The following SELENOO variants were observed in gnomAD, a reference collection of about 807,000 sequenced individuals.
SELENOO encodes the protein protein adenylyltransferase SelO, mitochondrial.
Under a neutral mutation model 58.7 loss-of-function variants are expected in SELENOO, and 74 were observed. The ratio of observed to expected loss-of-function variants is 1.26; its 90% CI spans 1.04 to 1.53. The LOEUF is 1.53. Ranked by LOEUF, SELENOO falls within the 40% of genes most tolerant of loss-of-function variation. The pLI is 0.00. For synonymous variants in SELENOO, 543 were observed against 453.2 expected (o/e 1.20, Z -2.52); for missense variants, 1,149 against 970.0 (o/e 1.18, Z -2.45).
intron 3 of SELENOO, 35 bp downstream of exon 3, chr22:50,208,751 G>A (rs2064349173): frequency 6.3e-7 from 1 of 1,591,330 alleles, no homozygotes. Context: ...CCCTGCGGGT[G>A]GATGCTGGGT....
chr22:50,206,310 G>A lies in SELENOO; in HGVS notation c.555-7G>A, dbSNP rs1195090563. 3 of 1,613,078 alleles carry A rather than the reference G, an allele frequency of 1.9e-6. No homozygotes were observed. Among genetic ancestry groups the A allele is most frequent in the African/African-American group, 2.7e-5 (2 of 74,890 alleles). On this transcript the variant is annotated splice_region_variant and splice_polypyrimidine_tract_variant and intron_variant, in intron 1 of 8. Coordinates refer to ENST00000380903, the MANE Select transcript of SELENOO (RefSeq NM_031454.2). ...GCCCACGTAGTGAACTCTGTGTTTG[G>A]TTTCAGACAGGCCGACGGTCGCAAG...
rs1362834633 is a variant in SELENOO, at chr22:50,206,433, C to T, written c.671C>T (p.Ser224Phe). 3 of 1,614,214 alleles carry T rather than the reference C, an allele frequency of 1.9e-6. No individual in the cohort carries two copies. The highest frequency in any genetic ancestry group is 1.7e-5 in the Admixed American group (1 of 60,020). Residue 224 changes from serine (S) to phenylalanine (F), a missense_variant, in exon 2 of 9, where the codon TCC becomes TTC. Physicochemically the swap from Ser to Phe is radical, Grantham distance 155 (BLOSUM62 -2). Coordinates refer to ENST00000380903, the MANE Select transcript of SELENOO (RefSeq NM_031454.2). The stretch of plus-strand genomic sequence containing the variant: ...GCCGGCGCCTGCGTCACGTCCGAGT[C>T]CACGGTGGTGCGCGACGTGTTCTAT... ...TRAGACVTSE[S>F]TVVRDVFYDG...
At chr22:50,207,060 A>G (rs1017045126) in intron 2 of SELENOO, among the ~76,000 whole-genome samples, 1 of 152,168 alleles carries the variant, frequency 6.6e-6, no homozygotes, top group Non-Finnish European at 1.5e-5. Context: ...CTGATGGTCC[A>G]GTTGCTCGTT....
In SELENOO at chr22:50,216,684, TC is replaced by T; in HGVS notation, c.1503-5del. The T allele has an allele frequency of 1.3e-6, 2 of 1,579,598 alleles. No homozygotes were observed. Among genetic ancestry groups the T allele is most frequent in the Admixed American group, 1.8e-5 (1 of 55,818 alleles). Reference sequence around the variant, plus strand: ...GCTACCTCCCAGACACCCTGGCCTCTCCACAGGCAGCTATCCATGATGCTGA... The same window carrying T: ...GCTACCTCCCAGACACCCTGGCCTCTCACAGGCAGCTATCCATGATGCTGA... On this transcript the variant is annotated splice_polypyrimidine_tract_variant and splice_region_variant and intron_variant, in intron 6 of 8. Coordinates refer to ENST00000380903, the MANE Select transcript of SELENOO (RefSeq NM_031454.2).
intron 5 of SELENOO, among the ~76,000 whole-genome samples, chr22:50,215,193 T>C (rs533998161): frequency 1.3e-5 from 2 of 152,312 alleles, no homozygotes; most frequent in South Asian, 4.1e-4. Context: ...GCAGGCGGGT[T>C]ACAGCAGCTT....
intron 1 of SELENOO, among the ~76,000 whole-genome samples, chr22:50,204,360 C>T (rs543768062): frequency 6.6e-6 from 1 of 152,292 alleles, no homozygotes; most frequent in South Asian, 2.1e-4. Flanking sequence ...GGCACAGTGG[C>T]TCACGCCTGT....
At chr22:50,216,654 C>T (rs2064414784) in intron 6 of SELENOO, 37 bp from the exon 7 acceptor site, 2 of 1,539,492 alleles carry the variant, frequency 1.3e-6, no homozygotes, top group Non-Finnish European at 8.7e-7. Flanking sequence ...GGGACACGGT[C>T]AGGGGCTACC....
At chr22:50,202,755 T>C (rs1180950905) in intron 1 of SELENOO, among the ~76,000 whole-genome samples, 1 of 152,198 alleles carries the variant, frequency 6.6e-6, no homozygotes, top group Non-Finnish European at 1.5e-5. Context: ...TGCTAGAATA[T>C]ATTTTCTCCT....
In SELENOO at chr22:50,210,852, T is replaced by TGGAGCTGGAGGAAGACGG. The variant is rs748819982; in HGVS notation, c.1295_1312dup (p.Glu432_Gly437dup). 6.2e-7 allele frequency: 1 copy of TGGAGCTGGAGGAAGACGG among 1,614,076 alleles called. No homozygotes were observed. Among genetic ancestry groups the TGGAGCTGGAGGAAGACGG allele is most frequent in the Admixed American group, 1.7e-5 (1 of 60,034 alleles). Reference sequence around the variant, plus strand: ...CGCAGGAAGCTGGGCCTCGTGCAGGTGGAGCTGGAGGAAGACGGGGCGCTG... The same window carrying TGGAGCTGGAGGAAGACGG: ...CGCAGGAAGCTGGGCCTCGTGCAGGTGGAGCTGGAGGAAGACGGGGAGCTGGAGGAAGACGGGGCGCTG... On this transcript the variant is annotated inframe_insertion, in exon 5 of 9. Coordinates refer to ENST00000380903, the MANE Select transcript of SELENOO (RefSeq NM_031454.2).
At chr22:50,216,602 T>A (rs560341400) in intron 6 of SELENOO, 89 bp from the exon 7 acceptor site, 37 of 1,271,308 alleles carry the variant, frequency 2.9e-5, no homozygotes, top group Non-Finnish European at 3.1e-5. Flanking sequence ...AGGTGAGCCG[T>A]GAGAGCGGGC....
In SELENOO at chr22:50,208,568, A is replaced by G; in HGVS notation, c.791A>G (p.Asp264Gly). ...FGSFEIFKSADEHTGRAGPSV... is the reference protein window; with the variant it reads ...FGSFEIFKSAGEHTGRAGPSV... ...TCCTTTGAGATTTTTAAGTCTGCAG[A>G]TGAGCACACAGGGCGTGCAGGCCCC... The change falls in exon 3 of 9, where the codon GAT becomes GGT. Residue 264 changes from aspartate to glycine, a missense_variant. By Grantham distance (94) the Asp-to-Gly change is moderately conservative (BLOSUM62 -1). Coordinates refer to ENST00000380903, the MANE Select transcript of SELENOO (RefSeq NM_031454.2). 2 of 1,613,776 alleles carry G rather than the reference A, an allele frequency of 1.2e-6. No homozygotes were observed. Among genetic ancestry groups the G allele is most frequent in the African/African-American group, 1.3e-5 (1 of 75,008 alleles).
chr22:50,217,053 C>CA lies in SELENOO; in HGVS notation c.1772dup (p.Asn591LysfsTer65). 6.2e-7 allele frequency: 1 copy of CA among 1,612,698 alleles called. No individual in the cohort carries two copies. ...AGCACGTGCGCGTGATGCACGCCAA[C>CA]AACCCGAAGTACGTGCTGAGGAACT... On this transcript the variant is annotated frameshift_variant, in exon 8 of 9. Coordinates refer to ENST00000380903, the MANE Select transcript of SELENOO (RefSeq NM_031454.2). LOFTEE classifies it high-confidence loss of function.
intron 4 of SELENOO, 118 bp from the exon 5 acceptor site, chr22:50,210,513 G>A: frequency 6.7e-7 from 1 of 1,482,154 alleles, no homozygotes. Context: ...CTGTGGGACA[G>A]GGCCAGAGAG....
Position 50,206,323 on chromosome 22 carries a change from C to G in SELENOO, c.561C>G (p.Ala187=). 6.2e-7 allele frequency: 1 copy of G among 1,613,538 alleles called. No individual in the cohort carries two copies. Among genetic ancestry groups the G allele is most frequent in the East Asian group, 2.2e-5 (1 of 44,876 alleles). Residue 187 remains alanine (A), a synonymous_variant, in exon 2 of 9, where the codon GCC becomes GCG. Coordinates refer to ENST00000380903, the MANE Select transcript of SELENOO (RefSeq NM_031454.2). Reference sequence around the variant, plus strand: ...ACTCTGTGTTTGGTTTCAGACAGGCCGACGGTCGCAAGGTCCTACGGTCAA... The same window carrying G: ...ACTCTGTGTTTGGTTTCAGACAGGCGGACGGTCGCAAGGTCCTACGGTCAA... ...GAGPTPFSRQ[A]DGRKVLRSSI...
intron 1 of SELENOO, among the ~76,000 whole-genome samples, chr22:50,202,036 G>T (rs1164681745): frequency 6.6e-6 from 1 of 151,870 alleles, no homozygotes; most frequent in Non-Finnish European, 1.5e-5. Flanking sequence ...AGATTTCTGT[G>T]GGGGGGCACA....
intron 5 of SELENOO, 86 bp from the exon 6 acceptor site, chr22:50,215,631 G>C (rs1355753983): frequency 8.2e-7 from 1 of 1,215,334 alleles, no homozygotes. Context: ...CTGTGCCAGG[G>C]GGGTGGGGGG....
Position 50,206,346 on chromosome 22 carries a change from C to A in SELENOO, c.584C>A (p.Ser195Ter), listed in dbSNP as rs776810408. The A allele has an allele frequency of 1.2e-6, 2 of 1,613,998 alleles. No individual in the cohort carries two copies. The highest frequency in any genetic ancestry group is 1.1e-5 in the South Asian group (1 of 91,070). The change falls in exon 2 of 9, where the codon TCA becomes TAA. Residue 195 changes from serine to a stop codon, truncating the protein, a stop_gained. Transcript: ENST00000380903. LOFTEE classifies it high-confidence loss of function. ...GCCGACGGTCGCAAGGTCCTACGGTCAAGCATCCGGGAGTTTCTATGCAGC... is the reference window on the plus strand; with the variant it reads ...GCCGACGGTCGCAAGGTCCTACGGTAAAGCATCCGGGAGTTTCTATGCAGC... ...RQADGRKVLR[S>*]SIREFLCSEA...
chr22:50,207,855 C>G (rs1442434028), intron 2 of SELENOO, among the ~76,000 whole-genome samples: 1 of 137,542 alleles, frequency 7.3e-6, no homozygotes, highest in Non-Finnish European at 1.5e-5. Flanking sequence ...ATCTCCTCCC[C>G]GAGGACGCAG....
chr22:50,214,317 T>G lies in SELENOO; in HGVS notation c.1352-1400T>G, dbSNP rs928327201. ...CACCTTTCCCGGCCCTTCTGACAATTTTTTATTTAAAATCTTCTCTGGCCG... is the reference window on the plus strand; with the variant it reads ...CACCTTTCCCGGCCCTTCTGACAATGTTTTATTTAAAATCTTCTCTGGCCG... On this transcript the variant is annotated intron_variant, in intron 5 of 8. Coordinates refer to ENST00000380903, the MANE Select transcript of SELENOO (RefSeq NM_031454.2). Among the ~76,000 whole-genome samples, 5 of 152,334 alleles carry G rather than the reference T, an allele frequency of 3.3e-5. No individual in the cohort carries two copies. The East Asian group carries it at 9.6e-4, about 29-fold the overall frequency.
Sources: allele counts gnomAD v4.1 joint callset (sites outside exome capture counted in the v4.1 genomes callset), GRCh38; gene constraint gnomAD v4.1.1; transcripts MANE v1.5; gene names NCBI Gene and HGNC (gene_info 2026-07-23, HGNC 2026-07-21).